UNC5A: variants seen among roughly 807,000 people sequenced by gnomAD.
The protein encoded by UNC5A is netrin receptor UNC5A.
A neutral mutation model predicts 87.4 loss-of-function variants in UNC5A; 20 were observed. The ratio of observed to expected loss-of-function variants is 0.23; its 90% CI spans 0.16 to 0.33. The LOEUF is 0.33. Among genes scored for constraint, UNC5A ranks in the 10% least tolerant of loss-of-function variants. UNC5A has a pLI of 1.00. For synonymous variants in UNC5A, 438 were observed against 482.3 expected, an observed-to-expected ratio of 0.91 and a Z score of 1.20; for missense variants, 844 against 1,133.4, an observed-to-expected ratio of 0.74 and a Z score of 3.67.
intron 1 of UNC5A, among the ~76,000 whole-genome samples, chr5:176,843,564 A>G (rs1450976746): frequency 6.6e-6 from 1 of 152,222 alleles, no homozygotes; most frequent in Non-Finnish European, 1.5e-5. Context: ...TTTAATGGGG[A>G]TAAACATTAT....
intron 1 of UNC5A, among the ~76,000 whole-genome samples, chr5:176,833,557 G>A (rs1195061017): frequency 2.0e-5 from 3 of 152,128 alleles, no homozygotes; most frequent in Non-Finnish European, 4.4e-5. Flanking sequence ...ACAATCTTTA[G>A]GCCATGGCCT....
At chr5:176,822,468 A>G (rs114782105) in intron 1 of UNC5A, among the ~76,000 whole-genome samples, 201 of 152,344 alleles carry the variant, frequency 1.3e-3, no homozygotes, top group African/African-American at 4.5e-3. Flanking sequence ...GATAATGAGC[A>G]TTCATGAGGG....
chr5:176,865,391 C>G lies in UNC5A; in HGVS notation c.292+2546C>G, dbSNP rs957315097. The stretch of plus-strand genomic sequence containing the variant: ...TTGCCTGAATGAGCAGTCGCAGGCC[C>G]GGGCCGGCACACACACCGGGAGCCC... On this transcript the variant is annotated intron_variant, in intron 2 of 14. Transcript: ENST00000329542. This position sits in a 1 kb window ranked among gnomAD's most constrained non-coding sequence, Gnocchi z 5.3. 5.7e-6 allele frequency: 2 copies of G among 352,174 alleles called. No individual in the cohort carries two copies. The highest frequency in any genetic ancestry group is 1.1e-5 in the Non-Finnish European group (2 of 178,332). 21.8% of individuals were successfully genotyped at this position (352,174 alleles called of 1,614,324 possible). A position where few individuals can be genotyped will look rare whatever the true frequency, so the allele number is the denominator to read the frequency against.
At chr5:176,877,439 C>G (rs1176341770) in intron 9 of UNC5A, 96 bp from the exon 10 acceptor site, 1 of 1,428,272 alleles carries the variant, frequency 7.0e-7, no homozygotes, top group Non-Finnish European at 9.5e-7. Flanking sequence ...AGCCCCTGGC[C>G]CCTGGGATGC....
chr5:176,858,531 G>C (rs1190537824), intron 1 of UNC5A, among the ~76,000 whole-genome samples: 1 of 152,074 alleles, frequency 6.6e-6, no homozygotes, highest in Non-Finnish European at 1.5e-5. Context: ...ACCCATGGGA[G>C]CCAGATGAAC....
At chr5:176,847,743 T>C (rs1757448262) in intron 1 of UNC5A, among the ~76,000 whole-genome samples, 1 of 152,118 alleles carries the variant, frequency 6.6e-6, no homozygotes, top group Admixed American at 6.5e-5. Context: ...TAAATATTCA[T>C]GCAATTATTA....
chr5:176,845,053 C>T (rs1040487643), intron 1 of UNC5A, among the ~76,000 whole-genome samples: 12 of 152,208 alleles, frequency 7.9e-5, no homozygotes, highest in African/African-American at 2.2e-4. Flanking sequence ...CATCTACTCA[C>T]GCAACCAGGC....
rs1758360933 is a variant in UNC5A at position 176,879,482 on chromosome 5, T to C, written c.2357T>C (p.Leu786Pro). 6.8e-6 allele frequency: 11 copies of C among 1,605,974 alleles called. No homozygotes were observed. Among genetic ancestry groups the C allele is most frequent in the Non-Finnish European group, 9.3e-6 (11 of 1,176,558 alleles). Residue 786 changes from leucine to proline, a missense_variant, in exon 14 of 15, where the codon CTG becomes CCG. Physicochemically the swap from Leu to Pro is moderately conservative, Grantham distance 98. Coordinates refer to ENST00000329542, the MANE Select transcript of UNC5A (RefSeq NM_133369.3). ...CGGACTCTGGCCCAGAAACTCCACC[T>C]GGACAGGTGGGCGGGAGAGGGGCAG... Reference protein sequence around the residue: ...DWRTLAQKLHLDSHLSFFASK... With the variant: ...DWRTLAQKLHPDSHLSFFASK...
At position 176,810,959 on chromosome 5, in the gene UNC5A, G is replaced by T. The variant is rs1339455043; in HGVS notation, c.70+139G>T. Reference sequence around the variant, plus strand: ...GGCCAAACTTTGCGAGGCGGGACGCGGGGGGCTCTTCTTGCTGCTGCGCAG... The same window carrying T: ...GGCCAAACTTTGCGAGGCGGGACGCTGGGGGCTCTTCTTGCTGCTGCGCAG... On this transcript the variant is annotated intron_variant, in intron 1 of 14. Coordinates refer to ENST00000329542, the MANE Select transcript of UNC5A (RefSeq NM_133369.3). This position sits in a 1 kb window ranked among gnomAD's most constrained non-coding sequence, Gnocchi z 7.3. The T allele has an allele frequency of 5.8e-6, 4 of 689,076 alleles. No homozygotes were observed. In the East Asian group the frequency reaches 1.6e-4, roughly 27 times the overall value. 42.7% of individuals were successfully genotyped at this position (689,076 alleles called of 1,614,324 possible). A position where few individuals can be genotyped will look rare whatever the true frequency, so the allele number is the denominator to read the frequency against.
chr5:176,840,499 G>C (rs762919372), intron 1 of UNC5A, among the ~76,000 whole-genome samples: 30 of 152,190 alleles, frequency 2.0e-4, no homozygotes, highest in Admixed American at 3.9e-4. Flanking sequence ...TCTGCAAGGG[G>C]GTGACCACAT....
intron 1 of UNC5A, among the ~76,000 whole-genome samples, chr5:176,826,643 T>TA (rs1201213283): frequency 1.2e-3 from 172 of 144,874 alleles, no homozygotes; most frequent in African/African-American, 4.3e-3. Flanking sequence ...AAACTTTTTT[T>TA]TTTTTTTTTT....
At chr5:176,877,496 T>G in intron 9 of UNC5A, 39 bp from the exon 10 acceptor site, 1 of 1,555,450 alleles carries the variant, frequency 6.4e-7, no homozygotes, top group Non-Finnish European at 8.7e-7. Flanking sequence ...GATGGGCCAC[T>G]GACACCTTTC....
chr5:176,831,295 G>A (rs1757018195), intron 1 of UNC5A, among the ~76,000 whole-genome samples: 1 of 152,262 alleles, frequency 6.6e-6, no homozygotes, highest in South Asian at 2.1e-4. Context: ...CGATTTATGG[G>A]GCTGCAGCTG....
chr5:176,833,766 T>C (rs1300054897), intron 1 of UNC5A, among the ~76,000 whole-genome samples: 1 of 151,108 alleles, frequency 6.6e-6, no homozygotes, highest in Non-Finnish European at 1.5e-5. Context: ...TGGAGTGCAG[T>C]GGTGCGGTCT....
intron 1 of UNC5A, among the ~76,000 whole-genome samples, chr5:176,859,512 A>G (rs1181449578): frequency 2.3e-5 from 3 of 132,490 alleles, no homozygotes; most frequent in African/African-American, 5.5e-5. Flanking sequence ...GCTAGAGGGC[A>G]TAGCTGCTAG....
chr5:176,830,131 T>G (rs1217925938), intron 1 of UNC5A, among the ~76,000 whole-genome samples: 3 of 152,138 alleles, frequency 2.0e-5, no homozygotes, highest in Admixed American at 6.6e-5. Flanking sequence ...CCTGTCACCT[T>G]CCTCTCTGGG....
At chr5:176,812,438 G>C (rs902176941) in intron 1 of UNC5A, among the ~76,000 whole-genome samples, 1 of 152,218 alleles carries the variant, frequency 6.6e-6, no homozygotes, top group African/African-American at 2.4e-5. Context: ...AACCAGGGGG[G>C]TTGGCATGGT....
In UNC5A at chr5:176,848,041, G is replaced by A. The variant is rs1757454976; in HGVS notation, c.71-14583G>A. On this transcript the variant is annotated intron_variant, in intron 1 of 14. Coordinates refer to ENST00000329542, the MANE Select transcript of UNC5A (RefSeq NM_133369.3). The surrounding 1 kb of genome is among the most constrained non-coding windows in gnomAD (Gnocchi z 5.8). ...GCTGCCTTCCCACACCAGACCTGGG[G>A]GGGCAAGAGGAAGAGGAGGCATCCA... Among the ~76,000 whole-genome samples, 1 of 152,074 alleles carries A rather than the reference G, an allele frequency of 6.6e-6. No homozygotes were observed. The highest frequency in any genetic ancestry group is 1.5e-5 in the Non-Finnish European group (1 of 68,004).
chr5:176,865,453 T>C lies in UNC5A; in HGVS notation c.292+2608T>C, dbSNP rs796342160. The C allele has an allele frequency of 1.0e-5, 4 of 382,102 alleles. No individual in the cohort carries two copies. Among genetic ancestry groups the C allele is most frequent in the African/African-American group, 8.4e-5 (4 of 47,874 alleles). 23.7% of individuals were successfully genotyped at this position (382,102 alleles called of 1,614,324 possible). A position where few individuals can be genotyped will look rare whatever the true frequency, so the allele number is the denominator to read the frequency against. On this transcript the variant is annotated intron_variant, in intron 2 of 14. Coordinates refer to ENST00000329542, the MANE Select transcript of UNC5A (RefSeq NM_133369.3). This position sits in a 1 kb window ranked among gnomAD's most constrained non-coding sequence, Gnocchi z 5.3. ...TCCCCAGCCGGCTCCTGTGGCCCTG[T>C]TCTCTTCCTGCCGGGCAGAGAAGCA... is the stretch of plus-strand genomic sequence containing the variant.
Sources: allele counts gnomAD v4.1 joint callset (sites outside exome capture counted in the v4.1 genomes callset), GRCh38; gene constraint gnomAD v4.1.1; non-coding constraint Gnocchi (gnomAD v3.1); transcripts MANE v1.5; gene names NCBI Gene and HGNC (gene_info 2026-07-23, HGNC 2026-07-21).